CFDP1: variants seen among roughly 807,000 people sequenced by gnomAD.
The protein encoded by CFDP1 is chromatin remodeling protein CFDP1, also known as heterochromatin-stabilizing protein CFDP1.
A neutral mutation model predicts 40.1 loss-of-function variants in CFDP1; 31 were observed. The observed-to-expected ratio is 0.77, with a 90% CI of 0.58 to 1.04. The LOEUF is 1.04. CFDP1 is among the 50% of genes least tolerant of loss of function. The pLI, the probability that CFDP1 is intolerant of heterozygous loss-of-function variation, is 0.00. For synonymous variants in CFDP1, 167 were observed against 120.0 expected, an observed-to-expected ratio of 1.39 and a Z score of -2.56; for missense variants, 423 against 343.4, an observed-to-expected ratio of 1.23 and a Z score of -1.83.
intron 5 of CFDP1, among the ~76,000 whole-genome samples, chr16:75,321,252 A>G (rs966119059): frequency 6.6e-6 from 1 of 152,234 alleles, no homozygotes; most frequent in South Asian, 2.1e-4. Context: ...GGCGTGAGCC[A>G]CAGTGCCCAG....
chr16:75,356,250 T>C (rs917949206), intron 5 of CFDP1, among the ~76,000 whole-genome samples: 1 of 152,070 alleles, frequency 6.6e-6, no homozygotes, highest in Admixed American at 6.6e-5. Context: ...GGAGTGAAAA[T>C]AAACAAATAA....
chr16:75,376,581 A>G (rs1473795732), intron 5 of CFDP1, among the ~76,000 whole-genome samples: 1 of 152,208 alleles, frequency 6.6e-6, no homozygotes, highest in Non-Finnish European at 1.5e-5. Flanking sequence ...TGGGGCAAAG[A>G]GCATAGGGCA....
intron 6 of CFDP1, 30 bp from the exon 7 acceptor site, chr16:75,294,072 G>A (rs1223444796): frequency 6.4e-7 from 1 of 1,560,380 alleles, no homozygotes; most frequent in South Asian, 1.1e-5. Context: ...TTTGTCAGTA[G>A]AATCCAGTAG....
intron 5 of CFDP1, among the ~76,000 whole-genome samples, chr16:75,356,920 T>C (rs1433236089): frequency 6.8e-6 from 1 of 147,142 alleles, no homozygotes; most frequent in East Asian, 1.9e-4. Context: ...TCTTTTTTTT[T>C]TTTTTTTTTT....
chr16:75,339,751 G>C (rs2078513744), intron 5 of CFDP1, among the ~76,000 whole-genome samples: 1 of 152,086 alleles, frequency 6.6e-6, no homozygotes, highest in African/African-American at 2.4e-5. Flanking sequence ...TTAGGGATTT[G>C]GGGCATACAT....
intron 5 of CFDP1, among the ~76,000 whole-genome samples, chr16:75,368,284 G>T (rs1045182381): frequency 5.3e-5 from 8 of 152,034 alleles, no homozygotes; most frequent in Non-Finnish European, 1.2e-4. Context: ...GCTTTTAAAA[G>T]AATACTTTTA....
At chr16:75,337,815 TTA>T (rs1221857163) in intron 5 of CFDP1, among the ~76,000 whole-genome samples, 1 of 152,148 alleles carries the variant, frequency 6.6e-6, no homozygotes, top group East Asian at 1.9e-4. Context: ...ATGCTGGGGA[TTA>T]TAATTGGACA....
chr16:75,325,102 C>T (rs993200724), intron 5 of CFDP1: 1 of 152,270 alleles, frequency 6.6e-6, no homozygotes, highest in African/African-American at 2.4e-5. Flanking sequence ...GGCTTAAATA[C>T]TATTTGTATG....
chr16:75,350,317 T>G (rs896737348), intron 5 of CFDP1, among the ~76,000 whole-genome samples: 3 of 152,196 alleles, frequency 2.0e-5, no homozygotes, highest in African/African-American at 7.2e-5. Flanking sequence ...CAAACTCTTT[T>G]CCTATGTGGC....
At chr16:75,322,169 A>G (rs1426424348) in intron 5 of CFDP1, among the ~76,000 whole-genome samples, 1 of 152,340 alleles carries the variant, frequency 6.6e-6, no homozygotes, top group South Asian at 2.1e-4. Flanking sequence ...TCATGCATAC[A>G]TTTTGTAAGA....
intron 6 of CFDP1, among the ~76,000 whole-genome samples, chr16:75,296,715 A>C (rs1388071692): frequency 6.6e-6 from 1 of 152,220 alleles, no homozygotes; most frequent in East Asian, 1.9e-4. Flanking sequence ...GGGAGGCCTC[A>C]GGCAGCAGTG....
intron 4 of CFDP1, among the ~76,000 whole-genome samples, chr16:75,402,001 A>G (rs1259540589): frequency 6.6e-6 from 1 of 152,186 alleles, no homozygotes; most frequent in Non-Finnish European, 1.5e-5. Context: ...TATCTCTCAA[A>G]ATTTCTTAGT....
intron 5 of CFDP1, among the ~76,000 whole-genome samples, chr16:75,366,716 G>C (rs2078716553): frequency 6.6e-6 from 1 of 152,208 alleles, no homozygotes; most frequent in African/African-American, 2.4e-5. Flanking sequence ...AATCTACGGA[G>C]ACAGAAAGCA....
chr16:75,302,776 C>A (rs920458431), intron 6 of CFDP1, among the ~76,000 whole-genome samples: 1 of 152,246 alleles, frequency 6.6e-6, no homozygotes, highest in Admixed American at 6.5e-5. Context: ...CGTGAAGAGA[C>A]AACACTGCAC....
At chr16:75,383,009 A>G (rs2151550449) in intron 5 of CFDP1, among the ~76,000 whole-genome samples, 1 of 152,342 alleles carries the variant, frequency 6.6e-6, no homozygotes, top group Admixed American at 6.5e-5. Flanking sequence ...CTAATAATCA[A>G]AAGGTTATGT....
At chr16:75,395,725 A>G (rs1313474975) in intron 4 of CFDP1, among the ~76,000 whole-genome samples, 1 of 152,206 alleles carries the variant, frequency 6.6e-6, no homozygotes, top group Admixed American at 6.5e-5. Flanking sequence ...AACAATGTGT[A>G]TAAATTTTAT....
At chr16:75,388,760 T>C (rs1211318871) in intron 5 of CFDP1, among the ~76,000 whole-genome samples, 1 of 152,224 alleles carries the variant, frequency 6.6e-6, no homozygotes, top group Non-Finnish European at 1.5e-5. Flanking sequence ...CACTGAATTC[T>C]GGCAAACTAC....
intron 5 of CFDP1, among the ~76,000 whole-genome samples, chr16:75,336,677 T>A (rs1191771824): frequency 1.3e-5 from 2 of 152,280 alleles, no homozygotes; most frequent in Non-Finnish European, 2.9e-5. Flanking sequence ...AAGCTGTATG[T>A]TATTCCATTG....
At chr16:75,307,403 G>A (rs761017336) in intron 5 of CFDP1, among the ~76,000 whole-genome samples, 50 of 152,122 alleles carry the variant, frequency 3.3e-4, no homozygotes, top group Admixed American at 2.8e-3. Context: ...TTTTAGTAGA[G>A]ACGGGGTTTT....
Sources: allele counts gnomAD v4.1 joint callset (sites outside exome capture counted in the v4.1 genomes callset), GRCh38; gene constraint gnomAD v4.1.1; transcripts MANE v1.5; gene names NCBI Gene and HGNC (gene_info 2026-07-23, HGNC 2026-07-21).